The following GUF1 variants were observed in gnomAD, a reference collection of about 807,000 sequenced individuals.
The protein encoded by GUF1 is GTP binding elongation factor GUF1, also known as translation factor GUF1, mitochondrial.
GUF1 carries 78 observed loss-of-function variants against 82.4 expected under a neutral mutation model. That is an observed-to-expected ratio of 0.95 (90% CI 0.79 to 1.14). The LOEUF is 1.14. Among genes scored for constraint, GUF1 ranks in the 50% most tolerant of loss-of-function variants. The pLI, the probability that GUF1 is intolerant of heterozygous loss-of-function variation, is 0.00. For synonymous variants in GUF1, 279 were observed against 282.3 expected, an observed-to-expected ratio of 0.99 and a Z score of 0.12; for missense variants, 814 against 798.2, an observed-to-expected ratio of 1.02 and a Z score of -0.24.
chr4:44,680,515 C>T lies in GUF1; in HGVS notation c.240C>T (p.Gly80=). 1.2e-6 allele frequency: 2 copies of T among 1,609,274 alleles called. No individual in the cohort carries two copies. Among genetic ancestry groups the T allele is most frequent in the Non-Finnish European group, 1.7e-6 (2 of 1,177,156 alleles). The change falls in exon 2 of 17, where the codon GGC becomes GGT. Residue 80 remains glycine, a synonymous_variant. Transcript: ENST00000281543. ...GTATTGTTGCACACGTGGATCATGGCAAAAGTACTTTAGCTGACAGGCTCC... is the reference window on the plus strand; with the variant it reads ...GTATTGTTGCACACGTGGATCATGGTAAAAGTACTTTAGCTGACAGGCTCC... ...NFSIVAHVDH[G]KSTLADRLLE...
At chr4:44,680,646 T>G (rs745757674) in intron 2 of GUF1, 48 bp from the exon 3 acceptor site, 3 of 1,439,342 alleles carry the variant, frequency 2.1e-6, no homozygotes, top group Admixed American at 2.6e-5. Context: ...AATATTCTCT[T>G]TTTTTTTTAA....
intron 11 of GUF1, 140 bp from the exon 12 acceptor site, chr4:44,690,577 A>G (rs1715369532): frequency 4.0e-6 from 2 of 500,626 alleles, no homozygotes; most frequent in Non-Finnish European, 7.1e-6. Flanking sequence ...AATATCAATA[A>G]TTGGAATATA....
intron 12 of GUF1, among the ~76,000 whole-genome samples, chr4:44,691,225 T>G (rs6831538): frequency 0.53 from 79,502 of 151,214 alleles, 22,327 homozygotes; most frequent in Non-Finnish European, 0.64. Flanking sequence ...CTCACCACAT[T>G]GTAATAAATG....
intron 15 of GUF1, among the ~76,000 whole-genome samples, chr4:44,696,965 T>C (rs936106172): frequency 6.6e-6 from 1 of 152,206 alleles, no homozygotes; most frequent in Non-Finnish European, 1.5e-5. Context: ...CTGGGGTGGA[T>C]ATATCAAGCT....
intron 5 of GUF1, among the ~76,000 whole-genome samples, chr4:44,682,847 T>A (rs1714844113): frequency 2.6e-5 from 4 of 152,120 alleles, no homozygotes; most frequent in African/African-American, 7.2e-5. Flanking sequence ...TGCATTGCTT[T>A]AATTATATTT....
At chr4:44,680,903 C>G (rs896163319) in intron 3 of GUF1, 61 bp downstream of exon 3, 1 of 1,395,212 alleles carries the variant, frequency 7.2e-7, no homozygotes, top group Admixed American at 2.0e-5. Flanking sequence ...GTAGTGCAAA[C>G]AGATCCTTGT....
chr4:44,686,380 T>C (rs1218590409), intron 7 of GUF1, 130 bp from the exon 8 acceptor site: 1 of 509,340 alleles, frequency 2.0e-6, no homozygotes. Flanking sequence ...TATAAAAAGG[T>C]CTTTTTATTT....
chr4:44,695,434 T>C (rs1480281050), intron 14 of GUF1, among the ~76,000 whole-genome samples, 181 bp from the exon 15 acceptor site: 3 of 152,214 alleles, frequency 2.0e-5, no homozygotes, highest in Non-Finnish European at 2.9e-5. Flanking sequence ...TCTGTAATCA[T>C]ACATTACTTT....
intron 15 of GUF1, among the ~76,000 whole-genome samples, chr4:44,697,119 G>T (rs1715876234): frequency 6.6e-6 from 1 of 152,112 alleles, no homozygotes; most frequent in African/African-American, 2.4e-5. Context: ...TGTAATCAAG[G>T]TCACATCATG....
intron 14 of GUF1, among the ~76,000 whole-genome samples, chr4:44,694,868 G>A (rs546652313): frequency 4.6e-5 from 7 of 151,716 alleles, no homozygotes; most frequent in South Asian, 4.2e-4. Context: ...GTGCAGTGGC[G>A]CAATTTCTGC....
chr4:44,696,237 T>G (rs994455265), intron 15 of GUF1, among the ~76,000 whole-genome samples: 1 of 152,012 alleles, frequency 6.6e-6, no homozygotes, highest in Non-Finnish European at 1.5e-5. Flanking sequence ...CTCACATGAA[T>G]TATAGTAGAT....
chr4:44,681,524 A>G (rs62305372), intron 4 of GUF1, among the ~76,000 whole-genome samples: 33,281 of 152,008 alleles, frequency 0.22, 3,821 homozygotes, highest in Middle Eastern at 0.36. Context: ...AGGTTTCTAT[A>G]TCCATTTTTA....
rs924349521 is a variant in GUF1, at chr4:44,700,838, C to T, written c.*2157C>T. 6.6e-6 allele frequency: 1 copy of T among 152,142 alleles called. No homozygotes were observed. The highest frequency in any genetic ancestry group is 6.6e-5 in the Admixed American group (1 of 15,264). The allele number at this position is 152,142 out of a possible 1,614,324, so 9.4% of individuals were successfully genotyped here. ...TCTTATGTATCTTCCCTCCCTCTTC[C>T]AGGTTCTGATAAAAACAGATGAAAT... On this transcript the variant is annotated 3_prime_UTR_variant, in exon 17 of 17. Coordinates refer to ENST00000281543, the MANE Select transcript of GUF1 (RefSeq NM_021927.3).
Position 44,695,668 on chromosome 4 carries a change from T to C in GUF1, c.1769T>C (p.Leu590Pro). ...KAICERLKDS[L>P]PRQLFEIAIQ... ...ATATGTGAACGGCTGAAGGATTCTC[T>C]TCCTAGGCAACTGTTTGAGATAGCA... Residue 590 changes from leucine to proline, a missense_variant, in exon 15 of 17, where the codon CTT becomes CCT. Transcript: ENST00000281543. 6.2e-7 allele frequency: 1 copy of C among 1,613,474 alleles called. No homozygotes were observed. Among genetic ancestry groups the C allele is most frequent in the Non-Finnish European group, 8.5e-7 (1 of 1,179,594 alleles).
intron 11 of GUF1, among the ~76,000 whole-genome samples, chr4:44,690,498 A>G (rs950664399): frequency 1.3e-5 from 2 of 151,812 alleles, no homozygotes; most frequent in Admixed American, 6.6e-5. Flanking sequence ...ATAATGTTTT[A>G]TAAGTGTCAG....
rs768312659 is a variant in GUF1, at chr4:44,686,608, G to T, written c.833G>T (p.Gly278Val). The T allele has an allele frequency of 7.4e-6, 12 of 1,611,862 alleles. No homozygotes were observed. The highest frequency in any genetic ancestry group is 1.7e-5 in the Admixed American group (1 of 59,910). The change falls in exon 8 of 17, where the codon GGA (glycine) becomes GTA (valine). Residue 278 changes from glycine (G) to valine (V), a missense_variant. Gly to Val is a moderately radical substitution (Grantham distance 109, BLOSUM62 -3). Coordinates refer to ENST00000281543, the MANE Select transcript of GUF1 (RefSeq NM_021927.3). ...ATAGCCAATGTAGCATTATTTGACG[G>T]AGTGGTTTCCAAAGGAGATAAAATT... ...GVIANVALFD[G>V]VVSKGDKIVS... is the part of the protein sequence containing the mutation.
chr4:44,684,815 G>A (rs1714958569), intron 6 of GUF1, among the ~76,000 whole-genome samples: 1 of 152,068 alleles, frequency 6.6e-6, no homozygotes, highest in African/African-American at 2.4e-5. Context: ...TTCTTGATTT[G>A]GAGATAAGTA....
rs938118706 is a variant in GUF1, at chr4:44,678,425, T to A, written c.-198T>A. On this transcript the variant is annotated 5_prime_UTR_variant, in exon 1 of 17. Coordinates refer to ENST00000281543, the MANE Select transcript of GUF1 (RefSeq NM_021927.3). ...CACGACAGCGTGCGGCGTGCAGACG[T>A]CGGCAAGCTGCGCCGCCGCTTCGGG... is the stretch of plus-strand genomic sequence containing the variant. 4.1e-6 allele frequency: 2 copies of A among 482,684 alleles called. No homozygotes were observed. Among genetic ancestry groups the A allele is most frequent in the Admixed American group, 4.4e-5 (1 of 22,954 alleles). 29.9% of individuals were successfully genotyped at this position (482,684 alleles called of 1,614,324 possible). A position where few individuals can be genotyped will look rare whatever the true frequency, so the allele number is the denominator to read the frequency against.
At chr4:44,686,234 T>A (rs1173748904) in intron 7 of GUF1, among the ~76,000 whole-genome samples, 1 of 152,052 alleles carries the variant, frequency 6.6e-6, no homozygotes, top group Non-Finnish European at 1.5e-5. Context: ...TAAAGATGAT[T>A]GATAGAGGTC....
Sources: allele counts gnomAD v4.1 joint callset (sites outside exome capture counted in the v4.1 genomes callset), GRCh38; gene constraint gnomAD v4.1.1; transcripts MANE v1.5; gene names NCBI Gene and HGNC (gene_info 2026-07-23, HGNC 2026-07-21).